The following USP42 variants were observed in gnomAD, a reference collection of about 807,000 sequenced individuals.
USP42 encodes ubiquitin specific peptidase 42, also known as ubiquitin carboxyl-terminal hydrolase 42.
USP42 carries 23 observed loss-of-function variants against 113.0 expected under a neutral mutation model. The observed-to-expected ratio is 0.20, with a 90% CI of 0.15 to 0.29. USP42 has a LOEUF of 0.29. USP42 is among the 10% of genes least tolerant of loss of function. USP42 has a pLI of 1.00. For missense variants in USP42, 2,174 were observed against 1,779.8 expected, an observed-to-expected ratio of 1.22 and a Z score of -3.99; for synonymous variants, 933 against 699.0, an observed-to-expected ratio of 1.33 and a Z score of -5.28.
chr7:6,093,872 A>G, the USP42 span, among the ~76,000 whole-genome samples: 4 of 150,970 alleles, frequency 2.6e-5, no homozygotes, highest in African/African-American at 9.9e-5. Flanking sequence ...GGGTTTCAGA[A>G]AAAGGAGGAT....
At chr7:6,138,463 G>T (rs973319530) in intron 4 of USP42, among the ~76,000 whole-genome samples, 2 of 152,222 alleles carry the variant, frequency 1.3e-5, no homozygotes, top group African/African-American at 4.8e-5. Context: ...GGACAAACTT[G>T]AGACAAAACA....
At chr7:6,136,069 A>G (rs1398327407) in intron 4 of USP42, 118 bp downstream of exon 4, 1 of 596,530 alleles carries the variant, frequency 1.7e-6, no homozygotes, top group Non-Finnish European at 2.7e-6. Context: ...TAGTGGCGCT[A>G]TTTCGGCTCA....
chr7:6,138,836 A>G (rs1219002689), intron 4 of USP42, among the ~76,000 whole-genome samples: 2 of 151,678 alleles, frequency 1.3e-5, no homozygotes, highest in Non-Finnish European at 2.9e-5. Flanking sequence ...TTTCATCCCA[A>G]CCCCCTCTTC....
intron 14 of USP42, among the ~76,000 whole-genome samples, chr7:6,153,554 A>G (rs982876441): frequency 6.6e-6 from 1 of 152,256 alleles, no homozygotes; most frequent in African/African-American, 2.4e-5. Context: ...TAATGGGTGC[A>G]GCACACCAGC....
In USP42 at chr7:6,159,322, A is replaced by C. The variant is rs1782637080; in HGVS notation, c.3944-128A>C. On this transcript the variant is annotated intron_variant, in intron 16 of 17. Transcript: ENST00000306177. This position sits in a 1 kb window ranked among gnomAD's most constrained non-coding sequence, Gnocchi z 4.1. ...GACATCCCTGCTCACCTCACTGGGG[A>C]GTGGCCTCAGGCGCTCACAGGGAAC... 6 of 1,177,676 alleles carry C rather than the reference A, an allele frequency of 5.1e-6. No homozygotes were observed. Among genetic ancestry groups the C allele is most frequent in the Non-Finnish European group, 7.4e-6 (6 of 808,944 alleles). The allele number at this position is 1,177,676 out of a possible 1,614,324, so 73.0% of individuals were successfully genotyped here. A position where few individuals can be genotyped will look rare whatever the true frequency, so the allele number is the denominator to read the frequency against.
rs141050413 is a variant in USP42, at chr7:6,152,370, G to A, written c.2202-1386G>A. Among the ~76,000 whole-genome samples the A allele has an allele frequency of 7.5e-4, 114 of 152,316 alleles. 1 individual carries two copies. The highest frequency in any genetic ancestry group is 6.8e-3 in the Middle Eastern group (2 of 294). On this transcript the variant is annotated intron_variant, in intron 14 of 17. Transcript: ENST00000306177. ...ATATACTGGGTGCCTTCCTGGAAAC[G>A]TCAGTGTCAGTGAAAACCGTGCCAG...
chr7:6,139,204 A>C lies in USP42; in HGVS notation c.656+10A>C. 6.4e-7 allele frequency: 1 copy of C among 1,573,020 alleles called. No homozygotes were observed. The highest frequency in any genetic ancestry group is 8.7e-7 in the Non-Finnish European group (1 of 1,155,596). ...TGAATGGCAGCAATAAGTAAGTACA[A>C]CAGAGCGCCAGCCATGTCTTCATTG... On this transcript the variant is annotated intron_variant, in intron 5 of 17. Transcript: ENST00000306177. This position sits in a 1 kb window ranked among gnomAD's most constrained non-coding sequence, Gnocchi z 4.5.
Position 6,150,387 on chromosome 7 carries a change from T to C in USP42, c.2107-25T>C, listed in dbSNP as rs777939925. 3.1e-6 allele frequency: 5 copies of C among 1,612,630 alleles called. No individual in the cohort carries two copies. In the African/African-American group the frequency reaches 5.3e-5, roughly 17 times the overall value. On this transcript the variant is annotated intron_variant, in intron 13 of 17. Transcript: ENST00000306177. ...GAGGCATGGAGCTGGCGACTGAAGC[T>C]GAAATATTTTTGTTTTTATTGCAGT...
At chr7:6,113,267 G>C (rs1779699405) in intron 2 of USP42, among the ~76,000 whole-genome samples, 1 of 152,126 alleles carries the variant, frequency 6.6e-6, no homozygotes, top group African/African-American at 2.4e-5. Flanking sequence ...TTGGGTAGGG[G>C]AAGTTTATAT....
At chr7:6,140,331 A>G (rs886184193) in intron 6 of USP42, 136 bp downstream of exon 6, 1 of 792,374 alleles carries the variant, frequency 1.3e-6, no homozygotes, top group South Asian at 1.8e-5. Flanking sequence ...CCTTTTACCC[A>G]GAGGCAGCCT....
intron 11 of USP42, among the ~76,000 whole-genome samples, chr7:6,146,672 C>A (rs1260647612): frequency 1.3e-5 from 2 of 152,004 alleles, no homozygotes; most frequent in African/African-American, 2.4e-5. Flanking sequence ...CAAAAAAAAA[C>A]CAAAAACCAT....
intron 12 of USP42, among the ~76,000 whole-genome samples, 166 bp from the exon 13 acceptor site, chr7:6,149,417 G>A (rs1781906183): frequency 1.3e-5 from 2 of 151,914 alleles, no homozygotes; most frequent in Admixed American, 1.3e-4. Flanking sequence ...AAGTATGCGC[G>A]GGTAGGAGGG....
At chr7:6,102,587 C>T (rs1583555665), upstream of USP42, among the ~76,000 whole-genome samples, 1 of 150,260 alleles carries the variant, frequency 6.7e-6, no homozygotes, top group African/African-American at 2.5e-5. Flanking sequence ...ATAGCGAGCC[C>T]GTCTCTAAAA....
chr7:6,092,009 TTCTTCTTCTTC>T, the USP42 span, among the ~76,000 whole-genome samples: 1 of 87,898 alleles, frequency 1.1e-5, no homozygotes, highest in African/African-American at 4.1e-5. Flanking sequence ...CTTCTTCTTC[TTCTTCTTCTTC>T]TTCTTCTTCT....
rs760963473 is a variant in USP42, at chr7:6,147,887, A to T, written c.1381A>T (p.Ile461Leu). The part of the protein sequence containing the change: ...FIGPQLPSHM[I>L]KNPPHLNGTG... ...CGGACCACAGCTTCCCTCTCACATG[A>T]TAAAGGTAACAGTCCTTAGGGAGAA... The change falls in exon 12 of 18, where the codon ATA (isoleucine) becomes TTA (leucine). Residue 461 changes from isoleucine (I) to leucine (L), a missense_variant. Ile to Leu is a conservative substitution (Grantham distance 5). Transcript: ENST00000306177. 1.2e-6 allele frequency: 2 copies of T among 1,607,956 alleles called. No homozygotes were observed. The highest frequency in any genetic ancestry group is 1.7e-6 in the Non-Finnish European group (2 of 1,176,130).
intron 14 of USP42, among the ~76,000 whole-genome samples, chr7:6,151,904 G>A (rs1450226640): frequency 6.6e-6 from 1 of 152,180 alleles, no homozygotes; most frequent in Non-Finnish European, 1.5e-5. Context: ...TTTCAGCTAT[G>A]TTGTGATCTT....
At chr7:6,089,103 G>A in the USP42 span, among the ~76,000 whole-genome samples, 3 of 150,582 alleles carry the variant, frequency 2.0e-5, no homozygotes, top group Non-Finnish European at 4.4e-5. Flanking sequence ...GGAGTGAAGT[G>A]GTGCGATCTC....
upstream of USP42, among the ~76,000 whole-genome samples, chr7:6,100,152 C>T (rs1374890833): frequency 6.8e-6 from 1 of 147,836 alleles, no homozygotes; most frequent in Non-Finnish European, 1.5e-5. Flanking sequence ...CGCACCTGGC[C>T]CAATTTCACA....
intron 12 of USP42, 97 bp from the exon 13 acceptor site, chr7:6,149,486 A>G (rs1781910567): frequency 6.8e-7 from 1 of 1,471,626 alleles, no homozygotes; most frequent in African/African-American, 1.4e-5. Context: ...TGAAAAAAAA[A>G]AAAAGCAAAA....
Sources: allele counts gnomAD v4.1 joint callset (sites outside exome capture counted in the v4.1 genomes callset), GRCh38; gene constraint gnomAD v4.1.1; non-coding constraint Gnocchi (gnomAD v3.1); transcripts MANE v1.5; gene names NCBI Gene and HGNC (gene_info 2026-07-23, HGNC 2026-07-21).